The following FGF1 variants were observed in gnomAD, a reference collection of about 807,000 sequenced individuals.
FGF1 encodes fibroblast growth factor 1.
A neutral mutation model predicts 13.4 loss-of-function variants in FGF1; 9 were observed. That is an observed-to-expected ratio of 0.67 (90% CI 0.40 to 1.17). The LOEUF is 1.17. Among genes scored for constraint, FGF1 ranks in the 50% most tolerant of loss-of-function variants. The probability of loss-of-function intolerance (pLI) is 0.01; values close to 1 mark genes in which losing one functional copy is unlikely to be tolerated. For missense variants in FGF1, 156 were observed against 192.7 expected, an observed-to-expected ratio of 0.81 and a Z score of 1.13; for synonymous variants, 93 against 79.0, an observed-to-expected ratio of 1.18 and a Z score of -0.94.
upstream of FGF1, among the ~76,000 whole-genome samples, chr5:142,690,361 A>T (rs1430892281): frequency 6.6e-6 from 1 of 152,162 alleles, no homozygotes; most frequent in Non-Finnish European, 1.5e-5. Flanking sequence ...AAAATAAAAA[A>T]AAATTTTACC....
Position 142,595,188 on chromosome 5 carries a change from TG to T in FGF1, c.*101del. ...GCTTACAAATTCAGGCTCTGTGGGC[TG>T]GGGGTTAGCGCAGCCAATGGTCAAG... On this transcript the variant is annotated 3_prime_UTR_variant, in exon 4 of 4. Transcript: ENST00000337706. 1 of 924,020 alleles carries T rather than the reference TG, an allele frequency of 1.1e-6. No homozygotes were observed. The highest frequency in any genetic ancestry group is 1.7e-6 in the Non-Finnish European group (1 of 601,488). 57.2% of individuals were successfully genotyped at this position (924,020 alleles called of 1,614,324 possible). A position where few individuals can be genotyped will look rare whatever the true frequency, so the allele number is the denominator to read the frequency against.
chr5:142,657,501 A>G (rs893444584), intron 1 of FGF1, among the ~76,000 whole-genome samples: 4 of 152,004 alleles, frequency 2.6e-5, no homozygotes, highest in East Asian at 1.9e-4. Context: ...AAGCTTGTCC[A>G]TGGTCTCCTC....
chr5:142,685,175 TATGTGCCAGAGACTCTGTCC>T (rs769130118), intron 1 of FGF1, among the ~76,000 whole-genome samples: 21 of 152,170 alleles, frequency 1.4e-4, no homozygotes, highest in Non-Finnish European at 2.5e-4. Context: ...GTGGATAGTG[TATGTGCCAGAGACTCTGTCC>T]ATTCTGACTC....
At chr5:142,606,244 G>GTGTGTGTGTGTGTA (rs757287377) in intron 2 of FGF1, among the ~76,000 whole-genome samples, 1 of 147,856 alleles carries the variant, frequency 6.8e-6, no homozygotes, top group Non-Finnish European at 1.5e-5. Flanking sequence ...GTGTGTGTGT[G>GTGTGTGTGTGTGTA]TATGTAGTTT....
intron 1 of FGF1, among the ~76,000 whole-genome samples, chr5:142,655,905 A>C (rs928030841): frequency 1.3e-5 from 2 of 152,166 alleles, no homozygotes; most frequent in African/African-American, 2.4e-5. Context: ...CGCTGGTGAG[A>C]TCAGAGGACC....
At chr5:142,606,237 T>TGTGTGTGC (rs1757644131) in intron 2 of FGF1, among the ~76,000 whole-genome samples, 1 of 147,632 alleles carries the variant, frequency 6.8e-6, no homozygotes, top group Non-Finnish European at 1.5e-5. Flanking sequence ...TGTGTGTGTG[T>TGTGTGTGC]GTGTGTGTAT....
In FGF1 at chr5:142,593,925, G is replaced by T. The variant is rs1754746533; in HGVS notation, c.*1365C>A. ...CAGGAAGTGTATTTATACAAGTAAT[G>T]GTAATACAAATGGTCTCCTGGGAAA... On this transcript the variant is annotated 3_prime_UTR_variant, in exon 4 of 4. Coordinates refer to ENST00000337706, the MANE Select transcript of FGF1 (RefSeq NM_000800.5). 3 of 152,590 alleles carry T rather than the reference G, an allele frequency of 2.0e-5. No individual in the cohort carries two copies. The South Asian group carries it at 6.2e-4, about 32-fold the overall frequency. 9.5% of individuals were successfully genotyped at this position (152,590 alleles called of 1,614,324 possible).
At chr5:142,690,836 A>G (rs1160889158), upstream of FGF1, among the ~76,000 whole-genome samples, 1 of 152,066 alleles carries the variant, frequency 6.6e-6, no homozygotes, top group Non-Finnish European at 1.5e-5. Context: ...TTCTCCCCCA[A>G]CATACTCATT....
chr5:142,621,253 C>CT (rs1761535346), intron 1 of FGF1: 1 of 152,272 alleles, frequency 6.6e-6, no homozygotes, highest in South Asian at 2.1e-4. Context: ...GACTTTTTCT[C>CT]TTATTGGCCT....
chr5:142,672,500 GTTTTTTTT>G (rs34954693), intron 1 of FGF1, among the ~76,000 whole-genome samples: 2 of 123,364 alleles, frequency 1.6e-5, no homozygotes, highest in Non-Finnish European at 1.7e-5. Flanking sequence ...TTTCTGTACA[GTTTTTTTT>G]TTTTTTTTTT....
At chr5:142,646,152 G>GC (rs1308224582) in intron 1 of FGF1, among the ~76,000 whole-genome samples, 5 of 148,014 alleles carry the variant, frequency 3.4e-5, no homozygotes, top group African/African-American at 1.3e-4. Context: ...CTCGTGATCC[G>GC]CCTGCCTCGG....
intron 1 of FGF1, among the ~76,000 whole-genome samples, chr5:142,665,818 T>C (rs1770199292): frequency 6.6e-6 from 1 of 152,124 alleles, no homozygotes; most frequent in Non-Finnish European, 1.5e-5. Context: ...ACCAATAAGC[T>C]TTTCCTTTGG....
intron 1 of FGF1, among the ~76,000 whole-genome samples, chr5:142,637,466 C>G (rs1764464413): frequency 6.6e-6 from 1 of 151,816 alleles, no homozygotes; most frequent in South Asian, 2.1e-4. Flanking sequence ...ACTACAGGTG[C>G]CTGCCACCAC....
chr5:142,674,706 C>A (rs1013975632), intron 1 of FGF1, among the ~76,000 whole-genome samples: 3 of 152,110 alleles, frequency 2.0e-5, no homozygotes, highest in Non-Finnish European at 4.4e-5. Flanking sequence ...TCACCAGAAG[C>A]CTCTCTCTGG....
chr5:142,644,952 C>G (rs1204787711), intron 1 of FGF1, among the ~76,000 whole-genome samples: 1 of 152,216 alleles, frequency 6.6e-6, no homozygotes, highest in Non-Finnish European at 1.5e-5. Context: ...TGGCACCACT[C>G]CTAGTCGGAT....
intron 1 of FGF1, among the ~76,000 whole-genome samples, chr5:142,675,026 C>G (rs1414344660): frequency 2.0e-5 from 3 of 152,144 alleles, no homozygotes; most frequent in African/African-American, 7.2e-5. Flanking sequence ...CCTCCAAAGG[C>G]TTGGCTTGGT....
chr5:142,652,805 C>A (rs1767487735), intron 1 of FGF1, among the ~76,000 whole-genome samples: 1 of 152,246 alleles, frequency 6.6e-6, no homozygotes, highest in Admixed American at 6.5e-5. Flanking sequence ...ACACGTGTGT[C>A]CACGCCAGGC....
At chr5:142,608,892 C>T (rs1758425360) in intron 2 of FGF1, among the ~76,000 whole-genome samples, 1 of 151,622 alleles carries the variant, frequency 6.6e-6, no homozygotes, top group Non-Finnish European at 1.5e-5. Context: ...GAGTCCTTCC[C>T]ATCACATATG....
rs35294166 is a variant in FGF1, at chr5:142,634,029, C to CA, written c.-34-19869dup. Reference sequence around the variant, plus strand: ...GAAACCCTGTCTCTACTAAAAATACCAAAAAAAAAAAAAAGTAGCTGGACG... The same window carrying CA: ...GAAACCCTGTCTCTACTAAAAATACCAAAAAAAAAAAAAAAGTAGCTGGACG... On this transcript the variant is annotated intron_variant, in intron 1 of 3. Coordinates refer to ENST00000337706, the MANE Select transcript of FGF1 (RefSeq NM_000800.5). Among the ~76,000 whole-genome samples the CA allele has an allele frequency of 6.5e-3, 938 of 144,102 alleles. 9 individuals carry two copies. Among genetic ancestry groups the CA allele is most frequent in the African/African-American group, 0.019 (717 of 38,584 alleles). 94.5% of individuals were successfully genotyped at this position (144,102 alleles called of 152,430 possible). A position where few individuals can be genotyped will look rare whatever the true frequency, so the allele number is the denominator to read the frequency against.
Sources: gnomAD v4.1 joint callset for allele counts (sites outside exome capture counted in the v4.1 genomes callset) on GRCh38, gnomAD v4.1.1 for gene constraint, MANE v1.5 for transcripts, NCBI Gene and HGNC (gene_info 2026-07-23, HGNC 2026-07-21) for gene names.